The following RASSF3 variants were observed in gnomAD, a reference collection of about 807,000 sequenced individuals.
The protein encoded by RASSF3 is ras association domain-containing protein 3.
A neutral mutation model predicts 19.9 loss-of-function variants in RASSF3; 19 were observed. The ratio of observed to expected loss-of-function variants is 0.96; its 90% CI spans 0.67 to 1.40. RASSF3 has a LOEUF of 1.40. Among genes scored for constraint, RASSF3 ranks in the 40% most tolerant of loss-of-function variants. The pLI, the probability that RASSF3 is intolerant of heterozygous loss-of-function variation, is 0.00. For missense variants in RASSF3, 306 were observed against 289.8 expected (o/e 1.06, Z -0.41); for synonymous variants, 110 against 104.2 (o/e 1.06, Z -0.34).
chr12:64,678,576 A>G (rs1480249284), intron 1 of RASSF3, among the ~76,000 whole-genome samples: 1 of 144,720 alleles, frequency 6.9e-6, no homozygotes, highest in African/African-American at 2.6e-5. Context: ...TGTGCTATTA[A>G]TATTTGCTCT....
At chr12:64,615,547 T>C (rs932155677) in intron 1 of RASSF3, among the ~76,000 whole-genome samples, 2 of 152,372 alleles carry the variant, frequency 1.3e-5, no homozygotes. Context: ...GGTTGTGTCT[T>C]ATTGCTAGAA....
At chr12:64,507,382 G>GTT (rs1868298581) in intron 1 of RASSF3, 2 of 398,078 alleles carry the variant, frequency 5.0e-6, no homozygotes, top group African/African-American at 4.1e-5. Context: ...TTGTGTGTGT[G>GTT]TGTTACATTT....
chr12:64,631,546 TG>T (rs1871166916), intron 1 of RASSF3, among the ~76,000 whole-genome samples: 1 of 116,870 alleles, frequency 8.6e-6, no homozygotes, highest in Non-Finnish European at 2.1e-5. Context: ...AATGTATGTA[TG>T]TATGTATGTA....
chr12:64,683,142 G>A (rs919967022), intron 1 of RASSF3, among the ~76,000 whole-genome samples: 2 of 152,184 alleles, frequency 1.3e-5, no homozygotes, highest in African/African-American at 4.8e-5. Context: ...CACCCCTGTG[G>A]AATTACTTAG....
chr12:64,675,810 T>C (rs887912367), intron 1 of RASSF3, among the ~76,000 whole-genome samples: 2 of 151,986 alleles, frequency 1.3e-5, no homozygotes, highest in African/African-American at 4.8e-5. Context: ...ACATCTTATA[T>C]GGCTGCACTA....
intron 1 of RASSF3, among the ~76,000 whole-genome samples, chr12:64,648,896 T>C (rs1217641334): frequency 1.4e-5 from 2 of 144,820 alleles, no homozygotes; most frequent in African/African-American, 5.1e-5. Context: ...ACCTCCAACT[T>C]CTGGACTCAG....
chr12:64,670,203 GT>G (rs896258685), intron 1 of RASSF3, among the ~76,000 whole-genome samples: 34 of 152,120 alleles, frequency 2.2e-4, no homozygotes, highest in African/African-American at 8.2e-4. Context: ...TGGTGCCTCT[GT>G]TTTGTGTCTA....
chr12:64,508,465 C>G (rs1409929469), intron 1 of RASSF3, among the ~76,000 whole-genome samples: 1 of 150,812 alleles, frequency 6.6e-6, no homozygotes, highest in Admixed American at 6.6e-5. Context: ...TGCAGTGAGC[C>G]AAGATCATGC....
intron 1 of RASSF3, among the ~76,000 whole-genome samples, chr12:64,635,408 CT>C (rs1871300324): frequency 6.6e-6 from 1 of 152,164 alleles, no homozygotes; most frequent in Non-Finnish European, 1.5e-5. Flanking sequence ...GCTAGTAGCT[CT>C]GCCTTCTAGC....
At chr12:64,517,296 G>C (rs927845673) in intron 1 of RASSF3, among the ~76,000 whole-genome samples, 3 of 110,142 alleles carry the variant, frequency 2.7e-5, no homozygotes, top group African/African-American at 1.1e-4. Context: ...ATATTGTATT[G>C]ATATTAATTC....
intron 1 of RASSF3, among the ~76,000 whole-genome samples, chr12:64,670,579 A>G (rs1333332482): frequency 1.6e-5 from 2 of 122,586 alleles, no homozygotes; most frequent in Non-Finnish European, 3.4e-5. Flanking sequence ...GGATCTTTTC[A>G]TTAAAAAACT....
intron 2 of RASSF3, among the ~76,000 whole-genome samples, chr12:64,604,993 TA>T (rs1311851092): frequency 7.3e-5 from 11 of 151,068 alleles, no homozygotes; most frequent in Non-Finnish European, 1.6e-4. Flanking sequence ...ATTTTATTTT[TA>T]TTTTTTTTTT....
chr12:64,567,193 T>TTTTGGAGGGCATTTTGGAG (rs1869446416), intron 2 of RASSF3, among the ~76,000 whole-genome samples: 1 of 152,082 alleles, frequency 6.6e-6, no homozygotes, highest in Non-Finnish European at 1.5e-5. Context: ...AGGCCCTGGG[T>TTTTGGAGGGCATTTTGGAG]GACATTTTGC....
chr12:64,618,224 C>T (rs7313651), intron 1 of RASSF3, among the ~76,000 whole-genome samples: 51,411 of 151,922 alleles, frequency 0.34, 9,578 homozygotes, highest in Non-Finnish European at 0.42. Flanking sequence ...ACATGATCCT[C>T]CTGCCTTAGC....
At chr12:64,604,706 C>T (rs942160557) in intron 2 of RASSF3, among the ~76,000 whole-genome samples, 1 of 151,316 alleles carries the variant, frequency 6.6e-6, no homozygotes, top group Admixed American at 6.6e-5. Flanking sequence ...GGCGCGATCT[C>T]GGCTCACTGC....
chr12:64,597,057 G>A (rs186662310), intron 2 of RASSF3, among the ~76,000 whole-genome samples: 118 of 152,006 alleles, frequency 7.8e-4, no homozygotes, highest in East Asian at 5.4e-3. Flanking sequence ...GTGAGCCACC[G>A]CACCCAGCCT....
chr12:64,528,820 C>T (rs1303956765), upstream of RASSF3, among the ~76,000 whole-genome samples: 1 of 152,206 alleles, frequency 6.6e-6, no homozygotes, highest in Non-Finnish European at 1.5e-5. Flanking sequence ...CTCGCAGTGA[C>T]TGATGATGCT....
At chr12:64,664,588 C>CT (rs1477711997) in intron 1 of RASSF3, among the ~76,000 whole-genome samples, 1 of 152,174 alleles carries the variant, frequency 6.6e-6, no homozygotes, top group African/African-American at 2.4e-5. Flanking sequence ...GAAGCAATCT[C>CT]TCAGTTATGA....
At chr12:64,660,967 CATGTTAAT>C (rs2136198263) in intron 1 of RASSF3, among the ~76,000 whole-genome samples, 1 of 152,234 alleles carries the variant, frequency 6.6e-6, no homozygotes, top group Non-Finnish European at 1.5e-5. Context: ...CTCAGTGGTT[CATGTTAAT>C]ATAATAGAAC....
Sources: gnomAD v4.1 joint callset for allele counts (sites outside exome capture counted in the v4.1 genomes callset) on GRCh38, gnomAD v4.1.1 for gene constraint, MANE v1.5 for transcripts, NCBI Gene and HGNC (gene_info 2026-07-23, HGNC 2026-07-21) for gene names.